Variants in HEATR5B observed in about 807,000 individuals in gnomAD.
HEATR5B encodes the protein HEAT repeat-containing protein 5B.
In HEATR5B, 156 loss-of-function variants were observed where a neutral mutation model predicts 224.1. The observed-to-expected ratio is 0.70, with a 90% CI of 0.61 to 0.80. The LOEUF is 0.80. Ranked by LOEUF, HEATR5B falls within the 30% of genes least tolerant of loss-of-function variation. HEATR5B has a pLI of 0.00. For missense variants in HEATR5B, 2,323 were observed against 2,535.5 expected, an observed-to-expected ratio of 0.92 and a Z score of 1.80; for synonymous variants, 1,027 against 893.0, an observed-to-expected ratio of 1.15 and a Z score of -2.68.
rs776167794 is a variant in HEATR5B, at chr2:37,020,718, C to T, written c.3972G>A (p.Lys1324=). The T allele has an allele frequency of 6.2e-6, 10 of 1,609,574 alleles. No individual in the cohort carries two copies. In the South Asian group the frequency reaches 8.9e-5, roughly 14 times the overall value. The change falls in exon 25 of 36, where the codon AAG becomes AAA. Residue 1324 remains lysine (K), a synonymous_variant. Coordinates refer to ENST00000233099, the MANE Select transcript of HEATR5B (RefSeq NM_019024.3). ...GLQALEDIIK[K]FASVPEPEFP... ...ATTCTGGCTCAGGCACAGACGCAAA[C>T]TTCTTGATAATGTCTTCAAGCGCCT...
intron 5 of HEATR5B, among the ~76,000 whole-genome samples, 157 bp downstream of exon 5, chr2:37,075,328 A>C (rs998870992): frequency 1.3e-5 from 2 of 152,256 alleles, no homozygotes; most frequent in African/African-American, 4.8e-5. Context: ...ACAAAAGTAC[A>C]TCTCATGATG....
At chr2:37,031,821 G>A (rs1026734779) in intron 22 of HEATR5B, among the ~76,000 whole-genome samples, 1 of 151,968 alleles carries the variant, frequency 6.6e-6, no homozygotes, top group Non-Finnish European at 1.5e-5. Flanking sequence ...CATAATAGGG[G>A]AAATATCTCT....
At chr2:37,037,829 A>T in intron 21 of HEATR5B, 26 bp downstream of exon 21, 1 of 1,431,450 alleles carries the variant, frequency 7.0e-7, no homozygotes. Context: ...CTTAAAAATC[A>T]ATGAATGAAA....
intron 18 of HEATR5B, among the ~76,000 whole-genome samples, chr2:37,045,518 A>G (rs139304438): frequency 6.6e-6 from 1 of 152,314 alleles, no homozygotes; most frequent in Non-Finnish European, 1.5e-5. Flanking sequence ...GAATAGTGGG[A>G]ACACAAAATA....
At chr2:36,996,764 G>A (rs13420719) in intron 33 of HEATR5B, among the ~76,000 whole-genome samples, 24,617 of 151,658 alleles carry the variant, frequency 0.16, 2,196 homozygotes, top group African/African-American at 0.19. Flanking sequence ...AGCTAATTTT[G>A]TATTTTTAGT....
At chr2:37,055,960 T>C (rs1670881596) in intron 16 of HEATR5B, among the ~76,000 whole-genome samples, 1 of 152,196 alleles carries the variant, frequency 6.6e-6, no homozygotes, top group Non-Finnish European at 1.5e-5. Context: ...ATTATGTTAG[T>C]TTCCAAGTTC....
intron 12 of HEATR5B, among the ~76,000 whole-genome samples, 172 bp downstream of exon 12, chr2:37,060,409 A>G (rs1671210358): frequency 6.6e-6 from 1 of 152,178 alleles, no homozygotes. Context: ...TTTTATTACA[A>G]AATTAGCAAA....
At chr2:36,996,255 T>C (rs1666698512) in intron 33 of HEATR5B, among the ~76,000 whole-genome samples, 1 of 150,766 alleles carries the variant, frequency 6.6e-6, no homozygotes, top group Admixed American at 6.6e-5. Flanking sequence ...AGAGAGGGAT[T>C]TCACCATGTT....
chr2:37,075,736 CAAATTATAAACGGTAAAT>C (rs1204254559), intron 4 of HEATR5B, 102 bp from the exon 5 acceptor site: 4 of 680,832 alleles, frequency 5.9e-6, no homozygotes, highest in Non-Finnish European at 9.3e-6. Context: ...GTCTTACCTC[CAAATTATAAACGGTAAAT>C]AATGAAAAGT....
intron 3 of HEATR5B, 44 bp downstream of exon 3, chr2:37,079,076 G>A (rs1187096452): frequency 5.5e-6 from 7 of 1,272,866 alleles, no homozygotes; most frequent in Non-Finnish European, 7.7e-6. Flanking sequence ...TTCCTTGAAA[G>A]AAAAAATAAA....
At chr2:36,994,095 A>G (rs555598788) in intron 33 of HEATR5B, among the ~76,000 whole-genome samples, 16 of 152,320 alleles carry the variant, frequency 1.1e-4, no homozygotes, top group African/African-American at 3.6e-4. Context: ...ACGTAGGAAT[A>G]GAGTCATGAT....
intron 24 of HEATR5B, among the ~76,000 whole-genome samples, chr2:37,024,974 CA>C (rs2148451285): frequency 6.6e-6 from 1 of 152,190 alleles, no homozygotes; most frequent in African/African-American, 2.4e-5. Flanking sequence ...GCAAAAACTT[CA>C]AAGTGGAAAG....
chr2:37,052,547 G>A (rs1475202278), intron 17 of HEATR5B, among the ~76,000 whole-genome samples: 1 of 152,042 alleles, frequency 6.6e-6, no homozygotes, highest in Non-Finnish European at 1.5e-5. Flanking sequence ...CAGCAACTTT[G>A]GCATATGATA....
chr2:37,077,274 A>G (rs1672293540), intron 3 of HEATR5B, among the ~76,000 whole-genome samples: 1 of 152,168 alleles, frequency 6.6e-6, no homozygotes, highest in African/African-American at 2.4e-5. Flanking sequence ...TACATAATAA[A>G]TCATACCCAT....
chr2:37,061,448 T>C (rs1042059148), intron 11 of HEATR5B, among the ~76,000 whole-genome samples: 4 of 152,188 alleles, frequency 2.6e-5, no homozygotes, highest in African/African-American at 9.6e-5. Context: ...TGAACTAAAA[T>C]ATGAACATAC....
In HEATR5B at chr2:36,981,261, G is replaced by A. The variant is rs190056186; in HGVS notation, c.*229C>T. 3.5e-5 allele frequency: 14 copies of A among 405,280 alleles called. No individual in the cohort carries two copies. The South Asian group carries it at 8.5e-4, about 24-fold the overall frequency. 25.1% of individuals were successfully genotyped at this position (405,280 alleles called of 1,614,324 possible). A position where few individuals can be genotyped will look rare whatever the true frequency, so the allele number is the denominator to read the frequency against. ...TTGAAAAATAAATAAGTTAACAAAA[G>A]AGAAACATTATTAGGAGGAAAATGA... is the stretch of plus-strand genomic sequence containing the variant. On this transcript the variant is annotated 3_prime_UTR_variant, in exon 36 of 36. Coordinates refer to ENST00000233099, the MANE Select transcript of HEATR5B (RefSeq NM_019024.3).
At chr2:36,999,922 G>T (rs1281477615) in intron 33 of HEATR5B, among the ~76,000 whole-genome samples, 1 of 151,554 alleles carries the variant, frequency 6.6e-6, no homozygotes, top group Non-Finnish European at 1.5e-5. Context: ...TGAGGCAGAA[G>T]AATCACTTGA....
intron 27 of HEATR5B, among the ~76,000 whole-genome samples, chr2:37,010,900 G>A (rs1259034780): frequency 6.7e-6 from 1 of 149,572 alleles, no homozygotes; most frequent in East Asian, 1.9e-4. Context: ...ATTGTTCTAG[G>A]ACTGGAAGCA....
chr2:37,060,521 A>T, intron 12 of HEATR5B, 60 bp downstream of exon 12: 1 of 1,376,328 alleles, frequency 7.3e-7, no homozygotes, highest in African/African-American at 1.5e-5. Flanking sequence ...TTTTTCTTTT[A>T]CTTTACAAAT....
Sources: gnomAD v4.1 joint callset for allele counts (sites outside exome capture counted in the v4.1 genomes callset) on GRCh38, gnomAD v4.1.1 for gene constraint, MANE v1.5 for transcripts, NCBI Gene and HGNC (gene_info 2026-07-23, HGNC 2026-07-21) for gene names.